CFAP54: variants seen among roughly 807,000 people sequenced by gnomAD.
CFAP54 encodes the protein cilia and flagella associated protein 54.
Under a neutral mutation model 370.4 loss-of-function variants are expected in CFAP54, and 290 were observed. That is an observed-to-expected ratio of 0.78 (90% CI 0.71 to 0.86). CFAP54 has a LOEUF of 0.86. Among genes scored for constraint, CFAP54 ranks in the 40% least tolerant of loss-of-function variants. The pLI, the probability that CFAP54 is intolerant of heterozygous loss-of-function variation, is 0.00. For missense variants in CFAP54, 3,399 were observed against 3,528.7 expected (o/e 0.96, Z 0.93); for synonymous variants, 1,206 against 1,236.5 (o/e 0.98, Z 0.52).
intron 48 of CFAP54, 149 bp downstream of exon 48, chr12:96,708,952 C>T (rs1427633932): frequency 1.6e-6 from 1 of 628,842 alleles, no homozygotes; most frequent in Non-Finnish European, 2.7e-6. Flanking sequence ...GTACTTATGT[C>T]TAGGTGTATG....
intron 55 of CFAP54, among the ~76,000 whole-genome samples, chr12:96,749,294 GTCT>G (rs1173834098): frequency 5.9e-5 from 9 of 152,210 alleles, no homozygotes; most frequent in Non-Finnish European, 1.3e-4. Flanking sequence ...GGACAAGTCT[GTCT>G]TCTTGTTTTT....
chr12:96,650,130 G>C, intron 35 of CFAP54, 58 bp downstream of exon 35: 1 of 1,396,014 alleles, frequency 7.2e-7, no homozygotes, highest in Non-Finnish European at 9.8e-7. Flanking sequence ...CCACCAACTT[G>C]GGCGTTTAAG....
At chr12:96,841,652 C>A (rs1959217473) in intron 66 of CFAP54, among the ~76,000 whole-genome samples, 1 of 152,170 alleles carries the variant, frequency 6.6e-6, no homozygotes, top group Admixed American at 6.5e-5. Context: ...CCATTATGTC[C>A]TTTTCTCAAC....
intron 60 of CFAP54, among the ~76,000 whole-genome samples, chr12:96,772,816 C>T (rs1163137837): frequency 2.0e-5 from 3 of 152,126 alleles, no homozygotes; most frequent in Admixed American, 6.5e-5. Flanking sequence ...GACAGGGTTT[C>T]ACCATGTTGG....
At chr12:96,793,519 C>G (rs1405776547) in intron 63 of CFAP54, among the ~76,000 whole-genome samples, 4 of 152,044 alleles carry the variant, frequency 2.6e-5, no homozygotes, top group Non-Finnish European at 4.4e-5. Context: ...CGTTCGTGTG[C>G]AAGTATTTTT....
intron 65 of CFAP54, among the ~76,000 whole-genome samples, chr12:96,818,878 T>G (rs1959002862): frequency 6.6e-6 from 1 of 152,164 alleles, no homozygotes; most frequent in South Asian, 2.1e-4. Context: ...GGGAGAGATA[T>G]GGAAATTCCT....
chr12:96,689,690 A>C (rs570066672), intron 43 of CFAP54, among the ~76,000 whole-genome samples: 2 of 152,290 alleles, frequency 1.3e-5, no homozygotes, highest in African/African-American at 4.8e-5. Context: ...AATAACTTGA[A>C]GACTACAGGA....
At chr12:96,593,937 C>A (rs554405806) in intron 24 of CFAP54, among the ~76,000 whole-genome samples, 15 of 151,630 alleles carry the variant, frequency 9.9e-5, no homozygotes, top group African/African-American at 3.4e-4. Flanking sequence ...CAAATGGGGG[C>A]AATATTATAG....
chr12:96,720,418 T>A lies in CFAP54; in HGVS notation c.6818T>A (p.Met2273Lys). ...TLSMLKSMLL[M>K]EAEDRLNFLL... ...TCCTTTCCTTAGTCGATGTTACTGA[T>A]GGAAGCTGAGGACAGGCTAAACTTC... The change falls in exon 50 of 68, where the codon ATG becomes AAG. Residue 2273 changes from methionine to lysine, a missense_variant. Around this residue, in one of 3 missense-constraint regions of CFAP54, gnomAD observed 2,796 missense variants for 2,869.7 expected, o/e 0.97. Coordinates refer to ENST00000524981, the MANE Select transcript of CFAP54 (RefSeq NM_001306084.2). 1 of 1,528,186 alleles carries A rather than the reference T, an allele frequency of 6.5e-7. No homozygotes were observed. Among genetic ancestry groups the A allele is most frequent in the Non-Finnish European group, 8.8e-7 (1 of 1,132,280 alleles). The allele number at this position is 1,528,186 out of a possible 1,614,324, so 94.7% of individuals were successfully genotyped here.
intron 56 of CFAP54, among the ~76,000 whole-genome samples, chr12:96,754,745 T>C (rs990020551): frequency 6.6e-6 from 1 of 151,552 alleles, no homozygotes; most frequent in Admixed American, 6.6e-5. Context: ...TGCTAGTGCC[T>C]ACATTTTTTT....
chr12:96,512,763 T>G (rs1315218312), intron 4 of CFAP54, among the ~76,000 whole-genome samples: 1 of 152,222 alleles, frequency 6.6e-6, no homozygotes, highest in African/African-American at 2.4e-5. Context: ...GACTAGAAGA[T>G]TCCTGTGTCA....
intron 20 of CFAP54, among the ~76,000 whole-genome samples, chr12:96,578,967 C>T (rs968084328): frequency 7.9e-5 from 12 of 152,200 alleles, no homozygotes; most frequent in African/African-American, 2.6e-4. Context: ...GATATGTCTT[C>T]ATCTGTGGAA....
In CFAP54 at chr12:96,658,117, T is replaced by C. The variant is rs1270399930; in HGVS notation, c.5324+12T>C. 2.5e-6 allele frequency: 4 copies of C among 1,596,764 alleles called. No individual in the cohort carries two copies. The Admixed American group carries it at 5.3e-5, about 21-fold the overall frequency. On this transcript the variant is annotated intron_variant, in intron 37 of 67. Coordinates refer to ENST00000524981, the MANE Select transcript of CFAP54 (RefSeq NM_001306084.2). Reference sequence around the variant, plus strand: ...AATACAGTTTCACAGTAAGTACTGCTGTAAGGGCAATTAAAAGTAGAAGAC... The same window carrying C: ...AATACAGTTTCACAGTAAGTACTGCCGTAAGGGCAATTAAAAGTAGAAGAC...
intron 19 of CFAP54, among the ~76,000 whole-genome samples, chr12:96,568,276 A>G (rs10777801): frequency 0.54 from 81,948 of 151,670 alleles, 22,974 homozygotes; most frequent in East Asian, 0.74. Flanking sequence ...TTTTTAAAAA[A>G]TGAAACTATT....
At position 96,688,862 on chromosome 12, in the gene CFAP54, A is replaced by G. The variant is rs139419433; in HGVS notation, c.6015-54A>G. On this transcript the variant is annotated intron_variant, in intron 42 of 67. Transcript: ENST00000524981. ...TATATATGTAAAGACATTTATATCAAAATGTTTTTGGAAAATTTCTACTAA... is the reference window on the plus strand; with the variant it reads ...TATATATGTAAAGACATTTATATCAGAATGTTTTTGGAAAATTTCTACTAA... 9.3e-5 allele frequency: 98 copies of G among 1,052,490 alleles called. No individual in the cohort carries two copies. In the African/African-American group the frequency reaches 1.5e-3, roughly 16 times the overall value. The allele number at this position is 1,052,490 out of a possible 1,614,324, so 65.2% of individuals were successfully genotyped here.
intron 44 of CFAP54, among the ~76,000 whole-genome samples, chr12:96,692,097 C>CCCCACA (rs1957394934): frequency 6.7e-6 from 1 of 149,928 alleles, no homozygotes; most frequent in Non-Finnish European, 1.5e-5. Flanking sequence ...ATATTTTTTT[C>CCCCACA]TATTCTCTCG....
chr12:96,817,892 A>G lies in CFAP54; in HGVS notation c.9075A>G (p.Glu3025=). The G allele has an allele frequency of 6.7e-7, 1 of 1,490,682 alleles. No individual in the cohort carries two copies. The highest frequency in any genetic ancestry group is 8.9e-7 in the Non-Finnish European group (1 of 1,125,074). The allele number at this position is 1,490,682 out of a possible 1,614,324, so 92.3% of individuals were successfully genotyped here. The change falls in exon 65 of 68, where the codon GAA becomes GAG. Residue 3025 remains glutamate, a synonymous_variant. Coordinates refer to ENST00000524981, the MANE Select transcript of CFAP54 (RefSeq NM_001306084.2). ...TATATGAAGTAGAAGTGGAAGAGGA[A>G]TCAGTTGATAATGAAATGGAAGTAA... ...ENIYEVEVEE[E]SVDNEMEDMI...
At chr12:96,739,703 T>C (rs1958027708) in intron 50 of CFAP54, among the ~76,000 whole-genome samples, 1 of 152,182 alleles carries the variant, frequency 6.6e-6, no homozygotes, top group South Asian at 2.1e-4. Flanking sequence ...TCAGTCACTA[T>C]GGTAGATGCT....
intron 15 of CFAP54, among the ~76,000 whole-genome samples, chr12:96,552,246 C>CAAAAAAAAAAAAAAAAAAAAAATA (rs374756712): frequency 2.4e-5 from 1 of 40,982 alleles, no homozygotes; most frequent in African/African-American, 7.6e-5. Flanking sequence ...AACTACATCT[C>CAAAAAAAAAAAAAAAAAAAAAATA]AAAAAAAAAA....
Sources: gnomAD v4.1 joint callset for allele counts (sites outside exome capture counted in the v4.1 genomes callset) on GRCh38, gnomAD v4.1.1 for gene constraint, gnomAD v4.1.1 regional missense constraint, MANE v1.5 for transcripts, NCBI Gene and HGNC (gene_info 2026-07-23, HGNC 2026-07-21) for gene names.